Variants in TMED6 observed in about 807,000 individuals in gnomAD.
TMED6 encodes transmembrane p24 trafficking protein 6, also known as transmembrane emp24 domain-containing protein 6.
TMED6 carries 17 observed loss-of-function variants against 26.5 expected under a neutral mutation model. The ratio of observed to expected loss-of-function variants is 0.64; its 90% CI spans 0.44 to 0.96. TMED6 has a LOEUF of 0.96. TMED6 is among the 40% of genes least tolerant of loss of function. The pLI is 0.00. For missense variants in TMED6, 309 were observed against 296.5 expected (o/e 1.04, Z -0.31); for synonymous variants, 107 against 106.2 (o/e 1.01, Z -0.04).
chr16:69,344,201 G>C (rs1238912519), intron 3 of TMED6, among the ~76,000 whole-genome samples: 1 of 152,144 alleles, frequency 6.6e-6, no homozygotes, highest in Admixed American at 6.5e-5. Flanking sequence ...AGGACCTCTA[G>C]ATTTAGATGT....
rs772477389 is a variant in TMED6, at chr16:69,351,703, C to G, written c.51G>C (p.Thr17=). Residue 17 remains threonine (T), a synonymous_variant, in exon 1 of 4, where the codon ACG becomes ACC. Transcript: ENST00000288025. ...GAGLVVLNLV[T]SARSQKTEPL... ...GTTCTGTCTTCTGGCTCCTGGCAGA[C>G]GTCACTAGATTCAGAACGACCAGCC... 1 of 1,613,722 alleles carries G rather than the reference C, an allele frequency of 6.2e-7. No homozygotes were observed. The highest frequency in any genetic ancestry group is 8.5e-7 in the Non-Finnish European group (1 of 1,180,002).
chr16:69,348,423 A>C (rs577347302), intron 2 of TMED6: 1 of 117,988 alleles, frequency 8.5e-6, no homozygotes, highest in Non-Finnish European at 1.6e-5. Flanking sequence ...TGGTTTGGTT[A>C]TATCTGTTGG....
intron 3 of TMED6, among the ~76,000 whole-genome samples, chr16:69,346,772 A>C (rs1185544806): frequency 6.6e-6 from 1 of 152,108 alleles, no homozygotes; most frequent in Non-Finnish European, 1.5e-5. Flanking sequence ...TAATAAAAAT[A>C]AGCCAGTCAC....
rs189578914 is a variant in TMED6, at chr16:69,351,645, G to A, written c.109C>T (p.Arg37Cys). The change falls in exon 1 of 4, where the codon CGT becomes TGT. Residue 37 changes from arginine (R) to cysteine (C), a missense_variant. Physicochemically the swap from Arg to Cys is radical, Grantham distance 180 (BLOSUM62 -3). Transcript: ENST00000288025. ...LSGSGDQPLF[R>C]GADRYDFAIM... ...GCAAAGTCATATCGATCAGCTCCACGGAAGAGTGGCTGGTCCCCAGAGCCA... is the reference window on the plus strand; with the variant it reads ...GCAAAGTCATATCGATCAGCTCCACAGAAGAGTGGCTGGTCCCCAGAGCCA... The A allele has an allele frequency of 1.1e-5, 17 of 1,614,016 alleles. No homozygotes were observed. The highest frequency in any genetic ancestry group is 3.3e-5 in the Admixed American group (2 of 59,978).
rs143433971 is a variant in TMED6 at position 69,351,673 on chromosome 16, T to G, written c.81A>C (p.Leu27=). ...TSARSQKTEP[L]SGSGDQPLFR... ...AGAGTGGCTGGTCCCCAGAGCCACT[T>G]AGAGGTTCTGTCTTCTGGCTCCTGG... The change falls in exon 1 of 4, where the codon CTA becomes CTC. Residue 27 remains leucine, a synonymous_variant. Coordinates refer to ENST00000288025, the MANE Select transcript of TMED6 (RefSeq NM_144676.4). 6.8e-6 allele frequency: 11 copies of G among 1,613,822 alleles called. No homozygotes were observed. In the African/African-American group the frequency reaches 1.1e-4, roughly 16 times the overall value.
chr16:69,344,099 T>C (rs1479113720), intron 3 of TMED6, among the ~76,000 whole-genome samples: 1 of 152,076 alleles, frequency 6.6e-6, no homozygotes. Flanking sequence ...TCCCAAAGTG[T>C]TGGGATTATG....
In TMED6 at chr16:69,343,626, C is replaced by A. The variant is rs1469181760; in HGVS notation, c.504G>T (p.Lys168Asn). 1.2e-6 allele frequency: 2 copies of A among 1,613,450 alleles called. No homozygotes were observed. Among genetic ancestry groups the A allele is most frequent in the South Asian group, 2.2e-5 (2 of 91,082 alleles). ...TLDAIEDGTQ[K>N]VQNNIFHMWR... is the part of the protein sequence containing the mutation. ...ACATGTGAAAGATATTGTTCTGCAC[C>A]TTTTGTGTGCCGTCCTATGAGAGAG... The change falls in exon 4 of 4, where the codon AAG (lysine) becomes AAT (asparagine). Residue 168 changes from lysine (K) to asparagine (N), a missense_variant. Coordinates refer to ENST00000288025, the MANE Select transcript of TMED6 (RefSeq NM_144676.4).
intron 3 of TMED6, among the ~76,000 whole-genome samples, chr16:69,347,485 G>T (rs1027369093): frequency 6.6e-6 from 1 of 151,962 alleles, no homozygotes; most frequent in African/African-American, 2.4e-5. Flanking sequence ...TCAGCCTTCC[G>T]AGTAGCTGGG....
intron 2 of TMED6, among the ~76,000 whole-genome samples, 186 bp downstream of exon 2, chr16:69,349,339 C>G (rs753042242): frequency 9.2e-5 from 14 of 152,266 alleles, no homozygotes; most frequent in Non-Finnish European, 1.3e-4. Context: ...GAGTGTTGCC[C>G]CCAAATCGTC....
chr16:69,351,621 CAA>C lies in TMED6; in HGVS notation c.131_132del (p.Phe44CysfsTer37), dbSNP rs755867902. On this transcript the variant is annotated frameshift_variant, in exon 1 of 4. Transcript: ENST00000288025. LOFTEE classifies it high-confidence loss of function. ...PLFRGADRYD[F>X]AIMIPPGGTE... ...GTGCCTCCTGGAGGTATCATGATGG[CAA>C]AGTCATATCGATCAGCTCCACGGAA... The C allele has an allele frequency of 4.3e-6, 7 of 1,613,924 alleles. No individual in the cohort carries two copies. The East Asian group carries it at 8.9e-5, about 21-fold the overall frequency.
At chr16:69,350,403 G>A (rs1009775331) in intron 1 of TMED6, among the ~76,000 whole-genome samples, 11 of 151,398 alleles carry the variant, frequency 7.3e-5, no homozygotes, top group African/African-American at 2.4e-4. Flanking sequence ...AGGTTCAAGC[G>A]ATTCTCCTGC....
chr16:69,351,415 C>G (rs1461758641), intron 1 of TMED6, 126 bp downstream of exon 1: 4 of 835,382 alleles, frequency 4.8e-6, no homozygotes, highest in Non-Finnish European at 7.5e-6. Context: ...AGGTCCATTT[C>G]ATTAACAGGT....
rs1319946571 is a variant in TMED6, at chr16:69,345,553, C to T, written c.490-1913G>A. ...CAAAATGTAGGTGGGCGTGGTGGCA[C>T]GTGGCTGTAATGCCACCTACTCAGG... On this transcript the variant is annotated intron_variant, in intron 3 of 3. Transcript: ENST00000288025. Among the ~76,000 whole-genome samples, 8 of 151,224 alleles carry T rather than the reference C, an allele frequency of 5.3e-5. No individual in the cohort carries two copies. The East Asian group carries it at 1.4e-3, about 26-fold the overall frequency.
intron 3 of TMED6, among the ~76,000 whole-genome samples, chr16:69,345,655 CCTGGACGACAGA>C (rs2012672512): frequency 7.2e-6 from 1 of 138,556 alleles, no homozygotes; most frequent in Non-Finnish European, 1.5e-5. Context: ...TGCACTCCAG[CCTGGACGACAGA>C]CTGACTCTCT....
At chr16:69,346,562 G>C (rs1394461441) in intron 3 of TMED6, among the ~76,000 whole-genome samples, 1 of 152,132 alleles carries the variant, frequency 6.6e-6, no homozygotes. Context: ...TCAGGAATTT[G>C]AGACCAGCTT....
intron 3 of TMED6, among the ~76,000 whole-genome samples, chr16:69,346,627 G>A (rs1271334930): frequency 1.3e-5 from 2 of 152,112 alleles, no homozygotes; most frequent in Non-Finnish European, 2.9e-5. Flanking sequence ...AGCCGGGCAT[G>A]GTGAGAGGTG....
chr16:69,349,773 C>A, intron 1 of TMED6, 122 bp from the exon 2 acceptor site: 1 of 1,267,206 alleles, frequency 7.9e-7, no homozygotes, highest in Non-Finnish European at 1.1e-6. Flanking sequence ...TGGGACTGCC[C>A]AACCCCCTGC....
chr16:69,348,010 T>C (rs2012713653), intron 2 of TMED6, 74 bp from the exon 3 acceptor site: 14 of 1,513,746 alleles, frequency 9.2e-6, no homozygotes, highest in Non-Finnish European at 1.3e-5. Context: ...GAGGTATCTG[T>C]CCTCTAGTTT....
chr16:69,344,809 C>A lies in TMED6; in HGVS notation c.490-1169G>T, dbSNP rs541053131. Among the ~76,000 whole-genome samples the A allele has an allele frequency of 7.9e-5, 12 of 151,648 alleles. No individual in the cohort carries two copies. In the South Asian group the frequency reaches 2.5e-3, roughly 32 times the overall value. Reference sequence around the variant, plus strand: ...AAGAAAAAAAGAAAGTGAAAAGTGGCCGGGCACGGTGGCTCGTTCCTGTAA... The same window carrying A: ...AAGAAAAAAAGAAAGTGAAAAGTGGACGGGCACGGTGGCTCGTTCCTGTAA... On this transcript the variant is annotated intron_variant, in intron 3 of 3. Coordinates refer to ENST00000288025, the MANE Select transcript of TMED6 (RefSeq NM_144676.4).
Sources: gnomAD v4.1 joint callset for allele counts (sites outside exome capture counted in the v4.1 genomes callset) on GRCh38, gnomAD v4.1.1 for gene constraint, MANE v1.5 for transcripts, NCBI Gene and HGNC (gene_info 2026-07-23, HGNC 2026-07-21) for gene names.